Variants in DLG1 observed in about 807,000 individuals in gnomAD.
DLG1 encodes the protein disks large homolog 1.
In DLG1, 42 loss-of-function variants were observed where a neutral mutation model predicts 123.4. That is an observed-to-expected ratio of 0.34 (90% CI 0.27 to 0.44). The LOEUF is 0.44. Among genes scored for constraint, DLG1 ranks in the 20% least tolerant of loss-of-function variants. DLG1 has a pLI of 1.00. For synonymous variants in DLG1, 317 were observed against 356.2 expected (o/e 0.89, Z 1.24); for missense variants, 942 against 1,082.6 (o/e 0.87, Z 1.82).
intron 5 of DLG1, among the ~76,000 whole-genome samples, chr3:197,171,989 T>C (rs1238895949): frequency 6.6e-6 from 1 of 152,164 alleles, no homozygotes; most frequent in Non-Finnish European, 1.5e-5. Flanking sequence ...GTCCCTGTTA[T>C]CACTCTCTCA....
At chr3:197,045,107 A>ATT (rs575412942) in intron 24 of DLG1, among the ~76,000 whole-genome samples, 6 of 144,622 alleles carry the variant, frequency 4.1e-5, no homozygotes, top group African/African-American at 1.5e-4. Flanking sequence ...TGTAAGGATA[A>ATT]TTTTTTTTTT....
At chr3:197,257,292 C>T (rs1420781051) in intron 4 of DLG1, among the ~76,000 whole-genome samples, 1 of 152,008 alleles carries the variant, frequency 6.6e-6, no homozygotes, top group African/African-American at 2.4e-5. Context: ...AACTGATAAA[C>T]CAAAACAATT....
chr3:197,276,375 T>G (rs574575156), intron 4 of DLG1, among the ~76,000 whole-genome samples: 6 of 152,362 alleles, frequency 3.9e-5, no homozygotes, highest in Non-Finnish European at 8.8e-5. Flanking sequence ...TCTTTCAAAT[T>G]AGTTGCACTA....
At chr3:197,211,627 A>G (rs1370171806) in intron 4 of DLG1, among the ~76,000 whole-genome samples, 3 of 146,804 alleles carry the variant, frequency 2.0e-5, no homozygotes, top group Non-Finnish European at 4.6e-5. Flanking sequence ...GAGGTTATGG[A>G]GAAAAGGGAA....
At chr3:197,097,383 A>G (rs1022848350) in intron 14 of DLG1, among the ~76,000 whole-genome samples, 2 of 152,086 alleles carry the variant, frequency 1.3e-5, no homozygotes, top group African/African-American at 2.4e-5. Context: ...ACAGATGCTG[A>G]TATCAGATGG....
chr3:197,065,855 T>C (rs199933573), intron 20 of DLG1, 46 bp from the exon 21 acceptor site: 503 of 1,202,054 alleles, frequency 4.2e-4, no homozygotes, highest in East Asian at 1.2e-3. Context: ...ATTCAACAAA[T>C]ATCAATGTAT....
intron 4 of DLG1, among the ~76,000 whole-genome samples, chr3:197,247,770 T>C (rs1014521053): frequency 1.3e-5 from 2 of 152,214 alleles, no homozygotes; most frequent in South Asian, 2.1e-4. Context: ...ATTAGCCTTA[T>C]ACTTTCTGTT....
intron 6 of DLG1, 68 bp downstream of exon 6, chr3:197,149,675 G>T (rs541663256): frequency 6.3e-6 from 6 of 956,082 alleles, no homozygotes; most frequent in African/African-American, 1.6e-5. Flanking sequence ...CATGGTCTTC[G>T]CATTTGTATC....
chr3:197,244,594 G>A (rs1750672986), intron 4 of DLG1, among the ~76,000 whole-genome samples: 1 of 151,742 alleles, frequency 6.6e-6, no homozygotes, highest in African/African-American at 2.4e-5. Flanking sequence ...AGAGGGTTAA[G>A]CTTTTTTTTT....
At chr3:197,232,243 G>A (rs1016982589) in intron 4 of DLG1, among the ~76,000 whole-genome samples, 6 of 151,656 alleles carry the variant, frequency 4.0e-5, no homozygotes, top group African/African-American at 9.7e-5. Context: ...GCTCACTCCT[G>A]TAATCCCAGC....
At chr3:197,049,353 AAAAG>A (rs1314840751) in intron 24 of DLG1, among the ~76,000 whole-genome samples, 10 of 152,328 alleles carry the variant, frequency 6.6e-5, no homozygotes, top group Admixed American at 6.5e-4. Context: ...AACAACAACA[AAAAG>A]AAAACCAAAG....
At chr3:197,078,169 C>T (rs553048296) in intron 17 of DLG1, among the ~76,000 whole-genome samples, 20 of 148,362 alleles carry the variant, frequency 1.3e-4, no homozygotes, top group Non-Finnish European at 2.2e-4. Flanking sequence ...AAAAAATTAG[C>T]TGGGAGCAGT....
At chr3:197,231,441 C>T (rs1311785407) in intron 4 of DLG1, among the ~76,000 whole-genome samples, 1 of 152,068 alleles carries the variant, frequency 6.6e-6, no homozygotes, top group African/African-American at 2.4e-5. Context: ...TGGTCTTACA[C>T]CTATAATCCC....
chr3:197,132,913 T>C (rs1184649616), intron 10 of DLG1, among the ~76,000 whole-genome samples: 1 of 134,528 alleles, frequency 7.4e-6, no homozygotes, highest in Non-Finnish European at 1.6e-5. Context: ...ACACATTAAA[T>C]AGCTGTGGTA....
intron 4 of DLG1, among the ~76,000 whole-genome samples, chr3:197,277,211 GTT>G (rs1020999300): frequency 6.9e-6 from 1 of 144,176 alleles, no homozygotes. Context: ...TACTTTTATG[GTT>G]TTTTTTTTTT....
intron 18 of DLG1, among the ~76,000 whole-genome samples, chr3:197,075,317 C>CAAAAA (rs58384491): frequency 2.2e-5 from 2 of 90,298 alleles, no homozygotes; most frequent in Admixed American, 1.3e-4. Context: ...ATAACTTTCT[C>CAAAAA]AAAAAAAAAA....
At chr3:197,173,433 A>C (rs529028746) in intron 5 of DLG1, among the ~76,000 whole-genome samples, 5 of 152,192 alleles carry the variant, frequency 3.3e-5, no homozygotes, top group African/African-American at 1.2e-4. Flanking sequence ...GAGGAGACAG[A>C]CTCCGCATGG....
At chr3:197,230,117 A>G (rs1449350400) in intron 4 of DLG1, among the ~76,000 whole-genome samples, 3 of 152,216 alleles carry the variant, frequency 2.0e-5, no homozygotes, top group African/African-American at 4.8e-5. Flanking sequence ...GCAAGCTTTA[A>G]AACAGTTTTC....
At chr3:197,209,066 T>C (rs1730050832) in intron 4 of DLG1, among the ~76,000 whole-genome samples, 1 of 146,336 alleles carries the variant, frequency 6.8e-6, no homozygotes, top group African/African-American at 2.4e-5. Context: ...ATTTCTCATA[T>C]TTAAAAGGCA....
Sources: allele counts gnomAD v4.1 joint callset (sites outside exome capture counted in the v4.1 genomes callset), GRCh38; gene constraint gnomAD v4.1.1; transcripts MANE v1.5; gene names NCBI Gene and HGNC (gene_info 2026-07-23, HGNC 2026-07-21).